The following SATL1 variants were observed in gnomAD, a reference collection of about 807,000 sequenced individuals.
SATL1 encodes the protein spermidine/spermine N(1)-acetyltransferase-like protein 1.
A neutral mutation model predicts 51.8 loss-of-function variants in SATL1; 47 were observed. The ratio of observed to expected loss-of-function variants is 0.91; its 90% CI spans 0.72 to 1.16. The LOEUF is 1.16. SATL1 is among the 50% of genes most tolerant of loss of function. SATL1 has a pLI of 0.00. For synonymous variants in SATL1, 176 were observed against 182.4 expected (o/e 0.97, Z 0.28); for missense variants, 520 against 526.4 (o/e 0.99, Z 0.12).
chrX:85,216,110 C>T (rs1268127183), intron 2 of SATL1, among the ~76,000 whole-genome samples: 1 of 111,529 alleles, frequency 9.0e-6, no homozygotes, highest in African/African-American at 3.3e-5. Flanking sequence ...GGAAAGCTGG[C>T]ATGTACATAA....
chrX:85,169,569 G>A (rs767207690), intron 2 of SATL1, among the ~76,000 whole-genome samples: 54 of 111,862 alleles, frequency 4.8e-4, no homozygotes, highest in African/African-American at 1.7e-3. Context: ...AAACCACAAT[G>A]AGATACTATC....
chrX:85,144,812 A>T (rs1282755837), intron 2 of SATL1, among the ~76,000 whole-genome samples: 1 of 111,198 alleles, frequency 9.0e-6, no homozygotes, highest in South Asian at 3.8e-4. Flanking sequence ...GGGTCTCTTG[A>T]GCTCAGAAGT....
chrX:85,179,524 T>A (rs753186521), intron 2 of SATL1, among the ~76,000 whole-genome samples: 1 of 111,261 alleles, frequency 9.0e-6, no homozygotes, highest in South Asian at 3.7e-4. Flanking sequence ...ATCACAGTAA[T>A]CGAGTAGTTC....
chrX:85,144,189 T>C (rs1479164852), intron 2 of SATL1, among the ~76,000 whole-genome samples: 1 of 111,957 alleles, frequency 8.9e-6, no homozygotes, highest in Non-Finnish European at 1.9e-5. Context: ...CCAGTGAAGT[T>C]GTTTCCATAT....
intron 2 of SATL1, among the ~76,000 whole-genome samples, chrX:85,146,795 C>T (rs1420689634): frequency 8.9e-6 from 1 of 112,669 alleles, no homozygotes; most frequent in Non-Finnish European, 1.9e-5. Flanking sequence ...TTGGGAAAGT[C>T]ATATTCTCCC....
intron 3 of SATL1, among the ~76,000 whole-genome samples, chrX:85,105,366 C>A (rs1740836939): frequency 9.0e-6 from 1 of 111,139 alleles, no homozygotes; most frequent in South Asian, 3.8e-4. Flanking sequence ...AGACTGTAAT[C>A]CAAGAATCCT....
At chrX:85,200,158 C>T (rs1041457420) in intron 2 of SATL1, among the ~76,000 whole-genome samples, 2 of 110,838 alleles carry the variant, frequency 1.8e-5, no homozygotes, top group African/African-American at 6.6e-5. Flanking sequence ...TTTTTTCACA[C>T]CTCATTTTTA....
intron 1 of SATL1, among the ~76,000 whole-genome samples, chrX:85,239,559 C>A (rs755482453): frequency 8.9e-6 from 1 of 111,734 alleles, no homozygotes; most frequent in African/African-American, 3.2e-5. Context: ...TAGCTCATTA[C>A]ATTTTGACAA....
Position 85,094,107 on chromosome X carries a change from TATC to T in SATL1, c.1876+18_1876+20del, listed in dbSNP as rs1394600924. 1 of 826,516 alleles carries T rather than the reference TATC, an allele frequency of 1.2e-6. No homozygotes were observed. Among genetic ancestry groups the T allele is most frequent in the South Asian group, 2.1e-5 (1 of 46,954 alleles). 68.1% of individuals were successfully genotyped at this position (826,516 alleles called of 1,213,427 possible). On this transcript the variant is annotated intron_variant, in intron 6 of 7. Coordinates refer to ENST00000644105, the MANE Select transcript of SATL1 (RefSeq NM_001367857.2). ...TAATTTTTAAAGTATTTAAAAGTAA[TATC>T]ATAAATTTTAGTTTTACCTTGGTAA...
intron 2 of SATL1, among the ~76,000 whole-genome samples, chrX:85,179,038 CTG>C (rs920599768): frequency 8.9e-6 from 1 of 112,140 alleles, no homozygotes; most frequent in African/African-American, 3.2e-5. Context: ...TTCTATAAAT[CTG>C]TGCTGTACAG....
chrX:85,203,807 G>A (rs1927736145), intron 2 of SATL1, among the ~76,000 whole-genome samples: 1 of 112,588 alleles, frequency 8.9e-6, no homozygotes, highest in Non-Finnish European at 1.9e-5. Context: ...GAGGTGCAAT[G>A]CCGCCACTGG....
chrX:85,198,024 A>G (rs1310880039), intron 2 of SATL1, among the ~76,000 whole-genome samples: 1 of 110,910 alleles, frequency 9.0e-6, no homozygotes, highest in African/African-American at 3.3e-5. Flanking sequence ...TCTACTTTAT[A>G]TTACCATGAG....
chrX:85,135,472 C>A (rs780305069), intron 2 of SATL1, among the ~76,000 whole-genome samples: 9 of 110,751 alleles, frequency 8.1e-5, no homozygotes, highest in Non-Finnish European at 1.7e-4. Context: ...GATTCACTCT[C>A]CTTGGTTCTG....
chrX:85,174,283 C>T (rs1927041730), intron 2 of SATL1, among the ~76,000 whole-genome samples: 1 of 109,737 alleles, frequency 9.1e-6, no homozygotes, highest in African/African-American at 3.3e-5. Flanking sequence ...AATACCTAAG[C>T]ATATACTTAA....
intron 1 of SATL1, among the ~76,000 whole-genome samples, chrX:85,228,398 A>G (rs184029719): frequency 1.8e-5 from 2 of 111,391 alleles, no homozygotes; most frequent in East Asian, 5.6e-4. Context: ...GAAATGTGCT[A>G]TAATTTCTCA....
At chrX:85,220,644 TAAAAAAAAAAAAAAAAAAAA>T (rs57383092) in intron 2 of SATL1, among the ~76,000 whole-genome samples, 884 of 24,151 alleles carry the variant, frequency 0.037, 40 homozygotes, top group African/African-American at 0.12. Flanking sequence ...ACTTCTGTGT[TAAAAAAAAAAAAAAAAAAAA>T]AAAAAAAAAA....
chrX:85,200,071 A>G (rs1321835805), intron 2 of SATL1, among the ~76,000 whole-genome samples: 1 of 111,897 alleles, frequency 8.9e-6, no homozygotes, highest in Non-Finnish European at 1.9e-5. Context: ...TACCCCATAA[A>G]TATATACACC....
chrX:85,107,617 G>T lies in SATL1; in HGVS notation c.1352C>A (p.Pro451His). Residue 451 changes from proline to histidine, a missense_variant, in exon 3 of 8, where the codon CCC becomes CAC. This residue lies in a region of SATL1 where 488 missense variants were observed against 474.3 expected (regional missense o/e 1.03). Transcript: ENST00000644105. ...TGGTTGTCTCATGCCTAGTTGGCTG[G>T]GGACTTGCTGGCTCATGCCTGGTTG... ...MWQPGMSQQV[P>H]SQLGMRQPGT... 1.7e-6 allele frequency: 2 copies of T among 1,211,902 alleles called. No homozygotes were observed. Among genetic ancestry groups the T allele is most frequent in the Non-Finnish European group, 2.2e-6 (2 of 895,523 alleles).
At chrX:85,193,385 A>G (rs778111007) in intron 2 of SATL1, among the ~76,000 whole-genome samples, 1 of 111,819 alleles carries the variant, frequency 8.9e-6, no homozygotes, top group East Asian at 2.8e-4. Flanking sequence ...AAGGATAGAT[A>G]ATCCAGGCAA....
Sources: gnomAD v4.1 joint callset for allele counts (sites outside exome capture counted in the v4.1 genomes callset) on GRCh38, gnomAD v4.1.1 for gene constraint, gnomAD v4.1.1 regional missense constraint, MANE v1.5 for transcripts, NCBI Gene and HGNC (gene_info 2026-07-23, HGNC 2026-07-21) for gene names.